DAB1: variants seen among roughly 807,000 people sequenced by gnomAD.
DAB1 encodes disabled homolog 1.
Under a neutral mutation model 64.6 loss-of-function variants are expected in DAB1, and 15 were observed. The observed-to-expected ratio is 0.23, with a 90% CI of 0.16 to 0.36. The LOEUF is 0.36. DAB1 is among the 10% of genes least tolerant of loss of function. The pLI, the probability that DAB1 is intolerant of heterozygous loss-of-function variation, is 1.00. For synonymous variants in DAB1, 235 were observed against 251.9 expected (o/e 0.93, Z 0.64); for missense variants, 596 against 706.7 (o/e 0.84, Z 1.78).
chr1:57,705,874 GTT>G (rs11375591), intron 6 of DAB1, among the ~76,000 whole-genome samples: 1 of 144,768 alleles, frequency 6.9e-6, no homozygotes. Context: ...CAATACTAGG[GTT>G]TTTTTTTTTT....
chr1:58,072,255 A>C (rs989223562), intron 5 of DAB1, among the ~76,000 whole-genome samples: 1 of 152,214 alleles, frequency 6.6e-6, no homozygotes, highest in Non-Finnish European at 1.5e-5. Flanking sequence ...TGCCATAATC[A>C]GAGCAAAGTT....
chr1:58,196,019 T>A (rs1283354983), intron 4 of DAB1, among the ~76,000 whole-genome samples: 1 of 152,194 alleles, frequency 6.6e-6, no homozygotes, highest in African/African-American at 2.4e-5. Flanking sequence ...AACTGTAGTA[T>A]GCTCTTCACA....
chr1:57,988,747 T>G (rs567595376), intron 5 of DAB1, among the ~76,000 whole-genome samples: 1 of 152,292 alleles, frequency 6.6e-6, no homozygotes, highest in Admixed American at 6.5e-5. Flanking sequence ...GGACTTCAGA[T>G]AGCCAGTATT....
At chr1:58,063,910 A>C (rs1648670946) in intron 5 of DAB1, among the ~76,000 whole-genome samples, 1 of 152,240 alleles carries the variant, frequency 6.6e-6, no homozygotes. Context: ...CCAGTGAGAA[A>C]GTGAGGAATA....
At chr1:57,319,149 G>A (rs1034954560) in intron 1 of DAB1, among the ~76,000 whole-genome samples, 12 of 152,150 alleles carry the variant, frequency 7.9e-5, no homozygotes, top group African/African-American at 2.9e-4. Context: ...CCCCAGGGCT[G>A]CTGCTAATTA....
intron 3 of DAB1, among the ~76,000 whole-genome samples, chr1:58,347,236 T>C (rs1251401321): frequency 6.6e-6 from 1 of 152,168 alleles, no homozygotes; most frequent in Non-Finnish European, 1.5e-5. Context: ...GCCTCCCAAG[T>C]AGCGTGCATT....
intron 4 of DAB1, among the ~76,000 whole-genome samples, chr1:57,098,398 T>G (rs933143275): frequency 6.6e-6 from 1 of 152,158 alleles, no homozygotes; most frequent in African/African-American, 2.4e-5. Context: ...ACACAACTCA[T>G]AAGGGTTCAG....
At chr1:57,876,193 C>T (rs1369980689) in intron 1 of DAB1, 1 of 152,254 alleles carries the variant, frequency 6.6e-6, no homozygotes, top group Non-Finnish European at 1.5e-5. Flanking sequence ...CATCAGCCAA[C>T]CTGTCCTCTT....
intron 1 of DAB1, among the ~76,000 whole-genome samples, chr1:57,343,468 G>T (rs542327153): frequency 8.5e-4 from 130 of 152,354 alleles, no homozygotes; most frequent in African/African-American, 2.9e-3. Flanking sequence ...GAGCCCTTGG[G>T]TGGTCGATGG....
At chr1:58,466,164 G>A (rs1645294099) in intron 3 of DAB1, among the ~76,000 whole-genome samples, 1 of 152,144 alleles carries the variant, frequency 6.6e-6, no homozygotes, top group South Asian at 2.1e-4. Flanking sequence ...GGGATAATGA[G>A]GAAGGGCCCT....
intron 3 of DAB1, among the ~76,000 whole-genome samples, chr1:58,347,803 AAGCT>A (rs1165324866): frequency 7.3e-6 from 1 of 136,810 alleles, no homozygotes; most frequent in Admixed American, 8.3e-5. Context: ...AGGGAAAGAG[AAGCT>A]AACTATTTCT....
chr1:58,207,360 G>T (rs1658334741), intron 4 of DAB1, among the ~76,000 whole-genome samples: 1 of 152,212 alleles, frequency 6.6e-6, no homozygotes, highest in South Asian at 2.1e-4. Context: ...TCTATGCATG[G>T]TTGGGAAAAG....
At chr1:57,613,657 C>G (rs1337846318) in intron 7 of DAB1, among the ~76,000 whole-genome samples, 1 of 152,164 alleles carries the variant, frequency 6.6e-6, no homozygotes, top group African/African-American at 2.4e-5. Flanking sequence ...TAAAATAATA[C>G]TGCAAGAGAA....
At chr1:58,126,457 T>TTC (rs1553161725) in intron 5 of DAB1, among the ~76,000 whole-genome samples, 2 of 95,010 alleles carry the variant, frequency 2.1e-5, no homozygotes, top group African/African-American at 8.1e-5. Flanking sequence ...CTTTTTTTCT[T>TTC]TTTTTTTTTT....
chr1:57,120,686 A>G (rs1166348097), intron 4 of DAB1, among the ~76,000 whole-genome samples: 1 of 152,184 alleles, frequency 6.6e-6, no homozygotes, highest in East Asian at 1.9e-4. Flanking sequence ...TACCATAGGA[A>G]CCTCATAAAA....
rs553431862 is a variant in DAB1, at chr1:57,371,999, T to A, written c.-137+51931A>T. ...ATCCTGCTTAAGGTATGTTTGACTATTTTTAAAGCATCAGGTCAAACTTTA... is the reference window on the plus strand; with the variant it reads ...ATCCTGCTTAAGGTATGTTTGACTAATTTTAAAGCATCAGGTCAAACTTTA... On this transcript the variant is annotated intron_variant, in intron 1 of 14. Transcript: ENST00000371236. Among the ~76,000 whole-genome samples the A allele has an allele frequency of 5.9e-5, 9 of 152,340 alleles. No individual in the cohort carries two copies. The South Asian group carries it at 1.9e-3, about 32-fold the overall frequency.
chr1:57,839,101 C>T (rs2101913201), intron 1 of DAB1, among the ~76,000 whole-genome samples: 1 of 152,268 alleles, frequency 6.6e-6, no homozygotes, highest in South Asian at 2.1e-4. Context: ...TCTTAAGCCC[C>T]AGCCCTTCTT....
intron 4 of DAB1, among the ~76,000 whole-genome samples, chr1:58,176,161 C>T (rs552607996): frequency 5.9e-5 from 9 of 152,248 alleles, no homozygotes; most frequent in African/African-American, 1.9e-4. Flanking sequence ...GGAGCCATAT[C>T]CACAAGGTGG....
intron 6 of DAB1, among the ~76,000 whole-genome samples, chr1:57,785,250 C>T (rs1269541394): frequency 6.6e-6 from 1 of 152,150 alleles, no homozygotes; most frequent in African/African-American, 2.4e-5. Context: ...CATCCAAGAA[C>T]TCTGATGGAT....
Sources: allele counts gnomAD v4.1 joint callset (sites outside exome capture counted in the v4.1 genomes callset), GRCh38; gene constraint gnomAD v4.1.1; transcripts MANE v1.5; gene names NCBI Gene and HGNC (gene_info 2026-07-23, HGNC 2026-07-21).